The following TTLL5 variants were observed in gnomAD, a reference collection of about 807,000 sequenced individuals.
The protein encoded by TTLL5 is tubulin polyglutamylase TTLL5.
TTLL5 carries 132 observed loss-of-function variants against 168.4 expected under a neutral mutation model. The observed-to-expected ratio is 0.78, with a 90% CI of 0.68 to 0.91. The LOEUF is 0.91. Among genes scored for constraint, TTLL5 ranks in the 40% least tolerant of loss-of-function variants. The pLI is 0.00. For synonymous variants in TTLL5, 546 were observed against 558.6 expected (o/e 0.98, Z 0.32); for missense variants, 1,545 against 1,581.5 (o/e 0.98, Z 0.39).
rs118092874 is a variant in TTLL5 at position 75,874,429 on chromosome 14, A to T, written c.3523-8256A>T. Among the ~76,000 whole-genome samples, 623 of 151,896 alleles carry T rather than the reference A, an allele frequency of 4.1e-3. 3 individuals are homozygous for T. Among genetic ancestry groups the T allele is most frequent in the East Asian group, 0.015 (76 of 5,166 alleles). On this transcript the variant is annotated intron_variant, in intron 29 of 31. Coordinates refer to ENST00000298832, the MANE Select transcript of TTLL5 (RefSeq NM_015072.5). Reference sequence around the variant, plus strand: ...CTTTAGAATAATATCTGTGTAGATTATTGACATGTTTGTCCAAAGGCATAA... The same window carrying T: ...CTTTAGAATAATATCTGTGTAGATTTTTGACATGTTTGTCCAAAGGCATAA...
At chr14:75,953,384 C>T (rs1182344228) in intron 31 of TTLL5, among the ~76,000 whole-genome samples, 1 of 152,198 alleles carries the variant, frequency 6.6e-6, no homozygotes, top group Admixed American at 6.5e-5. Context: ...CAATTCCCCT[C>T]CTAAGTGTAT....
At position 75,745,321 on chromosome 14, in the gene TTLL5, A is replaced by G. The variant is rs1889536979; in HGVS notation, c.1395+113A>G. 4 of 1,245,952 alleles carry G rather than the reference A, an allele frequency of 3.2e-6. No homozygotes were observed. The South Asian group carries it at 5.5e-5, about 17-fold the overall frequency. 77.2% of individuals were successfully genotyped at this position (1,245,952 alleles called of 1,614,324 possible). ...CATGTCTTACATTGAAAAGAGAAAG[A>G]TTCAAGATTGGAGAAATGTTTTCTC... On this transcript the variant is annotated intron_variant, in intron 16 of 31. Transcript: ENST00000298832.
intron 9 of TTLL5, among the ~76,000 whole-genome samples, chr14:75,715,043 A>G (rs1887335602): frequency 4.6e-5 from 7 of 152,166 alleles, no homozygotes; most frequent in Admixed American, 4.6e-4. Context: ...TTCATATTTT[A>G]AAATCTCTTT....
chr14:75,834,058 G>T (rs1457493246), intron 28 of TTLL5, among the ~76,000 whole-genome samples: 1 of 152,160 alleles, frequency 6.6e-6, no homozygotes, highest in Non-Finnish European at 1.5e-5. Flanking sequence ...CTGTCTCAAT[G>T]GTTAGTCCAG....
chr14:75,862,710 G>A (rs2030118707), intron 28 of TTLL5, among the ~76,000 whole-genome samples: 1 of 152,136 alleles, frequency 6.6e-6, no homozygotes, highest in African/African-American at 2.4e-5. Context: ...GGAGGCTGAG[G>A]TGGGCAGATC....
intron 27 of TTLL5, among the ~76,000 whole-genome samples, chr14:75,806,482 G>T (rs1041862008): frequency 3.9e-5 from 6 of 152,152 alleles, no homozygotes; most frequent in Admixed American, 1.3e-4. Flanking sequence ...TACTTTTCCA[G>T]CCTGTCTCCC....
intron 31 of TTLL5, among the ~76,000 whole-genome samples, chr14:75,910,399 T>G (rs2033325203): frequency 6.6e-6 from 1 of 152,204 alleles, no homozygotes; most frequent in Non-Finnish European, 1.5e-5. Flanking sequence ...GACGATCTAG[T>G]CTATTCTTGC....
intron 30 of TTLL5, among the ~76,000 whole-genome samples, chr14:75,892,504 G>T (rs1330508271): frequency 6.6e-6 from 1 of 152,184 alleles, no homozygotes; most frequent in African/African-American, 2.4e-5. Flanking sequence ...TCCCCCCCAG[G>T]AGACATTTGG....
chr14:75,707,589 T>G, intron 8 of TTLL5, 34 bp from the exon 9 acceptor site: 1 of 1,562,042 alleles, frequency 6.4e-7, no homozygotes, highest in South Asian at 1.2e-5. Flanking sequence ...ATGAACTTAG[T>G]TTTTTTTTGT....
intron 21 of TTLL5, among the ~76,000 whole-genome samples, chr14:75,773,956 AAAG>A (rs1891534202): frequency 1.2e-4 from 6 of 48,830 alleles, no homozygotes; most frequent in African/African-American, 3.2e-4. Context: ...AGAGAGAGAG[AAAG>A]AGAGAGAGAG....
intron 31 of TTLL5, among the ~76,000 whole-genome samples, chr14:75,931,454 A>G (rs1486353807): frequency 2.6e-5 from 4 of 152,146 alleles, no homozygotes; most frequent in African/African-American, 7.2e-5. Context: ...TAACAAGTCC[A>G]ATTTCATTCA....
chr14:75,828,428 T>C (rs531646974), intron 28 of TTLL5, among the ~76,000 whole-genome samples: 1 of 152,288 alleles, frequency 6.6e-6, no homozygotes, highest in South Asian at 2.1e-4. Flanking sequence ...CTTATGATTT[T>C]CTCAATAAAT....
At chr14:75,685,533 G>C (rs1482528692) in intron 5 of TTLL5, among the ~76,000 whole-genome samples, 1 of 152,120 alleles carries the variant, frequency 6.6e-6, no homozygotes, top group African/African-American at 2.4e-5. Flanking sequence ...ATTATTCTAG[G>C]ATGTACCAAG....
At chr14:75,863,212 G>C (rs73317404) in intron 28 of TTLL5, among the ~76,000 whole-genome samples, 20,850 of 152,126 alleles carry the variant, frequency 0.14, 1,779 homozygotes, top group East Asian at 0.4. Context: ...TTAACTGATG[G>C]GTGGTTGAGA....
chr14:75,771,836 C>A lies in TTLL5; in HGVS notation c.2118C>A (p.Ala706=). ...GGQTFSASWA[A]KEDEQMELVV... The stretch of plus-strand genomic sequence containing the variant: ...AGACGTTCAGTGCCAGTTGGGCTGC[C>A]AAAGAGGATGAACAGATGGTAAGGC... Residue 706 remains alanine (A), a synonymous_variant, in exon 21 of 32, where the codon GCC becomes GCA. Transcript: ENST00000298832. 1 of 1,613,722 alleles carries A rather than the reference C, an allele frequency of 6.2e-7. No homozygotes were observed. The highest frequency in any genetic ancestry group is 2.2e-5 in the East Asian group (1 of 44,824).
intron 4 of TTLL5, among the ~76,000 whole-genome samples, chr14:75,683,234 C>T (rs530806046): frequency 6.6e-6 from 1 of 152,316 alleles, no homozygotes; most frequent in East Asian, 1.9e-4. Context: ...CTCTGATCAG[C>T]ACTTCATACT....
chr14:75,823,190 A>G (rs768890520), intron 28 of TTLL5, among the ~76,000 whole-genome samples: 1 of 152,184 alleles, frequency 6.6e-6, no homozygotes, highest in Non-Finnish European at 1.5e-5. Context: ...AGGTGCTGAT[A>G]CGTGGGTGTG....
chr14:75,870,165 A>G lies in TTLL5; in HGVS notation c.3522+6303A>G, dbSNP rs898783491. ...ATGAAACTATGTTTGAAAAGTTATT[A>G]TCAGGTCTCTTCACCAGTCTCCTAC... On this transcript the variant is annotated intron_variant, in intron 29 of 31. Transcript: ENST00000298832. Among the ~76,000 whole-genome samples, 7 of 151,964 alleles carry G rather than the reference A, an allele frequency of 4.6e-5. No individual in the cohort carries two copies. The East Asian group carries it at 7.7e-4, about 17-fold the overall frequency.
At chr14:75,823,647 A>G (rs2140421712) in intron 28 of TTLL5, among the ~76,000 whole-genome samples, 1 of 152,318 alleles carries the variant, frequency 6.6e-6, no homozygotes, top group East Asian at 1.9e-4. Flanking sequence ...TCACACATGC[A>G]TCCTGGGCAT....
Sources: allele counts gnomAD v4.1 joint callset (sites outside exome capture counted in the v4.1 genomes callset), GRCh38; gene constraint gnomAD v4.1.1; transcripts MANE v1.5; gene names NCBI Gene and HGNC (gene_info 2026-07-23, HGNC 2026-07-21).